The following NAT1 variants were observed in gnomAD, a reference collection of about 807,000 sequenced individuals.
The protein encoded by NAT1 is arylamine N-acetyltransferase 1.
For synonymous variants in NAT1, 144 were observed against 122.6 expected (o/e 1.17, Z -1.16); for missense variants, 400 against 339.2 (o/e 1.18, Z -1.41).
chr8:18,222,296 T>G lies in NAT1; in HGVS notation c.249T>G (p.Gly83=). Reference sequence around the variant, plus strand: ...TGTACTGGGCTCTGACCACTATTGGTTTTGAGACCACGATGTTGGGAGGGT... The same window carrying G: ...TGTACTGGGCTCTGACCACTATTGGGTTTGAGACCACGATGTTGGGAGGGT... ...HLLYWALTTI[G]FETTMLGGYV... is the part of the protein sequence containing the mutation. The change falls in exon 3 of 3, where the codon GGT becomes GGG. Residue 83 remains glycine, a synonymous_variant. Transcript: ENST00000307719. The G allele has an allele frequency of 6.2e-7, 1 of 1,614,024 alleles. No individual in the cohort carries two copies. Among genetic ancestry groups the G allele is most frequent in the Non-Finnish European group, 8.5e-7 (1 of 1,179,994 alleles).
At chr8:18,207,643 AGGAAT>A (rs1261414466), upstream of NAT1, among the ~76,000 whole-genome samples, 1 of 152,216 alleles carries the variant, frequency 6.6e-6, no homozygotes, top group Non-Finnish European at 1.5e-5. Flanking sequence ...GCAGAGAGAT[AGGAAT>A]GCTTTTCCAC....
intron 1 of NAT1, 118 bp from the exon 2 acceptor site, chr8:18,219,293 A>G (rs993999344): frequency 7.3e-6 from 5 of 683,382 alleles, no homozygotes; most frequent in Admixed American, 5.3e-5. Context: ...TGTGCAGTCC[A>G]TTCCCTCTGT....
chr8:18,219,584 A>C, intron 2 of NAT1, 95 bp downstream of exon 2: 1 of 668,310 alleles, frequency 1.5e-6, no homozygotes, highest in Non-Finnish European at 2.6e-6. Flanking sequence ...GATGAAAGGG[A>C]GGGATGTATC....
intron 2 of NAT1, 124 bp from the exon 3 acceptor site, chr8:18,221,918 A>G (rs1805340614): frequency 1.9e-6 from 2 of 1,048,052 alleles, no homozygotes; most frequent in Non-Finnish European, 2.7e-6. Context: ...TGAAAGCACT[A>G]GAAATAATTA....
At chr8:18,171,810 C>T (rs974120485) in intron 2 of NAT1, among the ~76,000 whole-genome samples, 1 of 152,164 alleles carries the variant, frequency 6.6e-6, no homozygotes, top group Non-Finnish European at 1.5e-5. Flanking sequence ...ACAGTATTAA[C>T]TTATAGCCTG....
chr8:18,221,938 T>C (rs1805342349), intron 2 of NAT1, 104 bp from the exon 3 acceptor site: 1 of 1,202,712 alleles, frequency 8.3e-7, no homozygotes, highest in Non-Finnish European at 1.2e-6. Flanking sequence ...ATTATACTTA[T>C]AACCATTGTA....
At chr8:18,204,455 A>T (rs1732510635) in intron 2 of NAT1, among the ~76,000 whole-genome samples, 1 of 152,238 alleles carries the variant, frequency 6.6e-6, no homozygotes, top group Non-Finnish European at 1.5e-5. Context: ...TAAGTAATAG[A>T]TAATCATGAA....
At chr8:18,190,260 G>A (rs1262359768) in intron 2 of NAT1, among the ~76,000 whole-genome samples, 6 of 152,176 alleles carry the variant, frequency 3.9e-5, no homozygotes, top group Non-Finnish European at 5.9e-5. Context: ...TTAATTAAGT[G>A]CTTCAGAACT....
intron 2 of NAT1, among the ~76,000 whole-genome samples, chr8:18,181,754 A>G (rs557347657): frequency 1.3e-5 from 2 of 152,186 alleles, no homozygotes; most frequent in East Asian, 1.9e-4. Context: ...TTTTCCTTCC[A>G]TATCCAGTTT....
At chr8:18,191,071 A>G (rs926881052) in intron 2 of NAT1, among the ~76,000 whole-genome samples, 2 of 141,368 alleles carry the variant, frequency 1.4e-5, no homozygotes, top group East Asian at 2.1e-4. Context: ...CAAAAAAAAA[A>G]GAAAAAAAAG....
chr8:18,204,160 T>A (rs910551578), intron 2 of NAT1, among the ~76,000 whole-genome samples: 1 of 143,790 alleles, frequency 7.0e-6, no homozygotes, highest in Non-Finnish European at 1.5e-5. Flanking sequence ...TTTTTGGATG[T>A]CTTTCTCTCT....
intron 2 of NAT1, among the ~76,000 whole-genome samples, chr8:18,184,326 C>T (rs1380639523): frequency 1.3e-5 from 2 of 152,142 alleles, no homozygotes; most frequent in Non-Finnish European, 2.9e-5. Context: ...AGTCCTGAGA[C>T]AGCCCTGATA....
chr8:18,198,373 G>A (rs754817315), intron 2 of NAT1, among the ~76,000 whole-genome samples: 18 of 152,258 alleles, frequency 1.2e-4, no homozygotes, highest in Middle Eastern at 3.4e-3. Context: ...AATGGTGTTT[G>A]TTCAACTACA....
Position 18,181,164 on chromosome 8 carries a change from C to T in NAT1, n.92+10425C>T, listed in dbSNP as rs1589055352. Among the ~76,000 whole-genome samples, 3 of 152,146 alleles carry T rather than the reference C, an allele frequency of 2.0e-5. No homozygotes were observed. In the South Asian group the frequency reaches 6.2e-4, roughly 32 times the overall value. On this transcript the variant is annotated intron_variant and non_coding_transcript_variant, in intron 2 of 4. Transcript: ENST00000517441. ...GATATCTTTCCATTTTTTGGGTCCT[C>T]TTCAGTTTCCTTCATCAATGTTTTA...
At chr8:18,220,061 C>T (rs1200432571) in intron 2 of NAT1, among the ~76,000 whole-genome samples, 2 of 152,322 alleles carry the variant, frequency 1.3e-5, no homozygotes, top group East Asian at 3.9e-4. Flanking sequence ...AGATCGGCTT[C>T]TCTCTCTTCT....
intron 1 of NAT1, among the ~76,000 whole-genome samples, chr8:18,217,857 T>C (rs1216522032): frequency 6.6e-6 from 1 of 152,210 alleles, no homozygotes; most frequent in Non-Finnish European, 1.5e-5. Context: ...CAGGGAATAA[T>C]GAGCCCCTTT....
intron 2 of NAT1, among the ~76,000 whole-genome samples, chr8:18,201,357 G>A (rs1803456634): frequency 6.6e-6 from 1 of 152,066 alleles, no homozygotes. Context: ...ACTATAATAA[G>A]TACTAATTTT....
At chr8:18,216,809 C>A (rs571150824) in intron 1 of NAT1, 1 of 900,634 alleles carries the variant, frequency 1.1e-6, no homozygotes. Flanking sequence ...TTAGAAGGGT[C>A]TCAATAGGAT....
chr8:18,205,627 G>C (rs996110923), upstream of NAT1, among the ~76,000 whole-genome samples: 1 of 152,168 alleles, frequency 6.6e-6, no homozygotes, highest in Non-Finnish European at 1.5e-5. Flanking sequence ...ATACTCGCCT[G>C]CTGGTGGATC....
Sources: allele counts gnomAD v4.1 joint callset (sites outside exome capture counted in the v4.1 genomes callset), GRCh38; gene constraint gnomAD v4.1.1; transcripts MANE v1.5; gene names NCBI Gene and HGNC (gene_info 2026-07-23, HGNC 2026-07-21).